Variants in CNOT1 observed in about 807,000 individuals in gnomAD.
CNOT1 encodes the protein CCR4-associated factor 1.
Under a neutral mutation model 273.8 loss-of-function variants are expected in CNOT1, and 15 were observed. The ratio of observed to expected loss-of-function variants is 0.05; its 90% CI spans 0.04 to 0.08. The LOEUF (loss-of-function observed/expected upper bound fraction) is 0.08. Among genes scored for constraint, CNOT1 ranks in the 10% least tolerant of loss-of-function variants. CNOT1 has a pLI of 1.00. For missense variants in CNOT1, 1,644 were observed against 2,912.2 expected, an observed-to-expected ratio of 0.56 and a Z score of 10.02; for synonymous variants, 1,022 against 1,005.5, an observed-to-expected ratio of 1.02 and a Z score of -0.31.
intron 22 of CNOT1, 125 bp from the exon 23 acceptor site, chr16:58,551,944 C>A: frequency 8.1e-7 from 1 of 1,239,938 alleles, no homozygotes; most frequent in South Asian, 1.4e-5. Context: ...CTCACATACT[C>A]TTTGCCCCAT....
intron 21 of CNOT1, among the ~76,000 whole-genome samples, chr16:58,554,902 C>T (rs2151935486): frequency 8.4e-6 from 1 of 119,536 alleles, no homozygotes; most frequent in East Asian, 2.7e-4. Context: ...CACCACTGCA[C>T]TCTAGCCTGG....
intron 12 of CNOT1, among the ~76,000 whole-genome samples, chr16:58,579,183 G>C (rs1300464670): frequency 6.6e-6 from 1 of 152,182 alleles, no homozygotes; most frequent in Non-Finnish European, 1.5e-5. Context: ...CATGGGGATA[G>C]AGAATGAAGT....
intron 13 of CNOT1, among the ~76,000 whole-genome samples, chr16:58,578,131 A>G (rs2041525368): frequency 6.6e-6 from 1 of 152,232 alleles, no homozygotes; most frequent in East Asian, 1.9e-4. Context: ...GTGATGCCCT[A>G]GCAATACAGA....
In CNOT1 at chr16:58,542,587, G is replaced by A. The variant is rs779870272; in HGVS notation, c.4435-19C>T. 12 of 1,549,642 alleles carry A rather than the reference G, an allele frequency of 7.7e-6. No homozygotes were observed. The highest frequency in any genetic ancestry group is 5.6e-5 in the South Asian group (5 of 88,916). ...AAGCAGTCTATTAATGGAGGTGGGT[G>A]GGGGGGTGGGGGGAATAGAAGGAAA... On this transcript the variant is annotated intron_variant, in intron 31 of 48. Coordinates refer to ENST00000317147, the MANE Select transcript of CNOT1 (RefSeq NM_016284.5).
At chr16:58,550,980 T>G in intron 24 of CNOT1, 152 bp downstream of exon 24, 1 of 1,369,862 alleles carries the variant, frequency 7.3e-7, no homozygotes, top group Non-Finnish European at 9.6e-7. Context: ...TGGTACTATT[T>G]AATGTCTACC....
intron 25 of CNOT1, chr16:58,548,697 G>A: frequency 2.2e-6 from 1 of 455,698 alleles, no homozygotes; most frequent in East Asian, 5.8e-5. Context: ...GCTGGTTCTA[G>A]AAGTTTTTCC....
chr16:58,575,607 T>C (rs1310095180), intron 14 of CNOT1, among the ~76,000 whole-genome samples: 1 of 152,144 alleles, frequency 6.6e-6, no homozygotes, highest in East Asian at 1.9e-4. Flanking sequence ...AAGACCAGCC[T>C]GGCCAACATG....
At position 58,615,286 on chromosome 16, in the gene CNOT1, T is replaced by C. The variant is rs1381970886; in HGVS notation, c.-175+14442A>G. On this transcript the variant is annotated intron_variant, in intron 1 of 48. Coordinates refer to ENST00000317147, the MANE Select transcript of CNOT1 (RefSeq NM_016284.5). ...TAAACAGGGAGATGCAGAGATGGGC[T>C]AGATGCTCACCAAACTGCTTCCTCT... 1.6e-5 allele frequency among the ~76,000 whole-genome samples: 2 copies of C among 125,698 alleles called. 1 individual carries two copies. Among genetic ancestry groups the C allele is most frequent in the African/African-American group, 5.4e-5 (2 of 37,310 alleles). The allele number at this position is 125,698 out of a possible 152,430, so 82.5% of individuals were successfully genotyped here.
At chr16:58,593,813 A>G (rs2042149655) in intron 2 of CNOT1, among the ~76,000 whole-genome samples, 1 of 152,220 alleles carries the variant, frequency 6.6e-6, no homozygotes, top group East Asian at 1.9e-4. Flanking sequence ...GCAAAACTAA[A>G]TATCCATCAA....
intron 48 of CNOT1, 28 bp from the exon 49 acceptor site, chr16:58,521,064 CTGAT>C: frequency 1.2e-6 from 2 of 1,614,080 alleles, no homozygotes; most frequent in Non-Finnish European, 1.7e-6. Context: ...TTACAAATCT[CTGAT>C]TAAAGAGTAG....
At position 58,575,008 on chromosome 16, in the gene CNOT1, C is replaced by T; in HGVS notation, c.1826G>A (p.Gly609Glu). 1 of 1,613,774 alleles carries T rather than the reference C, an allele frequency of 6.2e-7. No individual in the cohort carries two copies. The highest frequency in any genetic ancestry group is 1.1e-5 in the South Asian group (1 of 90,902). ...KWLTDKIREH[G>E]EPFIQACMTF... The stretch of plus-strand genomic sequence containing the variant: ...AATAAATGAACAAATCCTGCTTACC[C>T]CATGCTCTCGAATTTTATCTGTGAG... The change falls in exon 15 of 49, where the codon GGG (glycine) becomes GAG (glutamate). Residue 609 changes from glycine (G) to glutamate (E), a missense_variant and splice_region_variant. Coordinates refer to ENST00000317147, the MANE Select transcript of CNOT1 (RefSeq NM_016284.5).
At chr16:58,534,103 C>T (rs775522672) in intron 40 of CNOT1, 44 bp downstream of exon 40, 2 of 1,434,584 alleles carry the variant, frequency 1.4e-6, no homozygotes, top group East Asian at 5.1e-5. Flanking sequence ...AATAAAACAC[C>T]CCACTGATGT....
intron 47 of CNOT1, 64 bp downstream of exon 47, chr16:58,523,306 A>G (rs1047276057): frequency 2.5e-5 from 30 of 1,179,658 alleles, no homozygotes; most frequent in Admixed American, 3.3e-5. Context: ...CATAAAGAGG[A>G]AAAAAAAAAG....
intron 3 of CNOT1, among the ~76,000 whole-genome samples, chr16:58,588,116 TG>T (rs1470415232): frequency 6.6e-6 from 1 of 152,104 alleles, no homozygotes; most frequent in Non-Finnish European, 1.5e-5. Flanking sequence ...CTGGCCAACA[TG>T]GTAAAACCCT....
At position 58,543,673 on chromosome 16, in the gene CNOT1, T is replaced by G; in HGVS notation, c.4368A>C (p.Thr1456=). 6.2e-7 allele frequency: 1 copy of G among 1,614,224 alleles called. No homozygotes were observed. The highest frequency in any genetic ancestry group is 1.1e-5 in the South Asian group (1 of 91,090). ...TGCTCATGAGCAAAGGTTCCCTGCA[T>G]GTAATCATAGCCATTCCAGCTGTCA... ...RNLTAGMAMI[T]CREPLLMSIS... Residue 1456 remains threonine, a synonymous_variant, in exon 31 of 49, where the codon ACA becomes ACC. Coordinates refer to ENST00000317147, the MANE Select transcript of CNOT1 (RefSeq NM_016284.5).
At chr16:58,611,220 G>C (rs999800376) in intron 1 of CNOT1, among the ~76,000 whole-genome samples, 1 of 151,422 alleles carries the variant, frequency 6.6e-6, no homozygotes, top group East Asian at 2.0e-4. Context: ...CCTGAGCTCA[G>C]GAGTTCAAGA....
chr16:58,556,907 T>C lies in CNOT1; in HGVS notation c.2419A>G (p.Arg807Gly), dbSNP rs758852729. 24 of 1,614,028 alleles carry C rather than the reference T, an allele frequency of 1.5e-5. No individual in the cohort carries two copies. Among genetic ancestry groups the C allele is most frequent in the Non-Finnish European group, 2.0e-5 (24 of 1,180,036 alleles). The change falls in exon 19 of 49, where the codon AGG becomes GGG. Residue 807 changes from arginine (R) to glycine (G), a missense_variant. Arg to Gly is a moderately radical substitution (Grantham distance 125, BLOSUM62 -2). This residue lies in a region of CNOT1 where 706 missense variants were observed against 1,021.2 expected (regional missense o/e 0.69). Coordinates refer to ENST00000317147, the MANE Select transcript of CNOT1 (RefSeq NM_016284.5). ...PAVNNDPFVQ[R>G]KLGTSGLNQP... is the part of the protein sequence containing the mutation. ...TTCAGTCCAGAGGTGCCCAGTTTCC[T>C]CTGTACAAAAGGGTCGTTATTCACT...
rs1000867536 is a variant in CNOT1, at chr16:58,528,190, C to T, written c.6453+285G>A. 9 of 526,584 alleles carry T rather than the reference C, an allele frequency of 1.7e-5. No homozygotes were observed. The African/African-American group carries it at 1.7e-4, about 10-fold the overall frequency. The allele number at this position is 526,584 out of a possible 1,614,324, so 32.6% of individuals were successfully genotyped here. ...TGGGGCACACCCAGCAAATGACTGC[C>T]CCAACACCTAAGCTGTGGTTCTGTA... is the stretch of plus-strand genomic sequence containing the variant. On this transcript the variant is annotated intron_variant, in intron 44 of 48. Transcript: ENST00000317147.
intron 1 of CNOT1, among the ~76,000 whole-genome samples, chr16:58,608,009 T>C (rs758885726): frequency 5.3e-5 from 8 of 151,458 alleles, no homozygotes; most frequent in Non-Finnish European, 1.5e-5. Context: ...CTGTCTCTAC[T>C]AAAAAATACA....
Sources: allele counts gnomAD v4.1 joint callset (sites outside exome capture counted in the v4.1 genomes callset), GRCh38; gene constraint gnomAD v4.1.1; regional missense constraint gnomAD v4.1.1; transcripts MANE v1.5; gene names NCBI Gene and HGNC (gene_info 2026-07-23, HGNC 2026-07-21).